Variants in RORA observed in about 807,000 individuals in gnomAD.
RORA encodes RAR related orphan receptor A, also known as nuclear receptor ROR-alpha.
Under a neutral mutation model 69.5 loss-of-function variants are expected in RORA, and 7 were observed. That is an observed-to-expected ratio of 0.10 (90% CI 0.06 to 0.19). RORA has a LOEUF of 0.19. Among genes scored for constraint, RORA ranks in the 10% least tolerant of loss-of-function variants. The probability of loss-of-function intolerance (pLI) is 1.00; values close to 1 mark genes in which losing one functional copy is unlikely to be tolerated. For missense variants in RORA, 457 were observed against 663.0 expected (o/e 0.69, Z 3.41); for synonymous variants, 261 against 240.8 (o/e 1.08, Z -0.78).
chr15:60,561,193 T>A (rs1350694652), intron 2 of RORA, among the ~76,000 whole-genome samples: 1 of 150,956 alleles, frequency 6.6e-6, no homozygotes, highest in Non-Finnish European at 1.5e-5. Context: ...GCCATTCTCC[T>A]GCCTCAGCCT....
At chr15:60,914,695 G>T (rs952944005) in intron 1 of RORA, among the ~76,000 whole-genome samples, 2 of 152,158 alleles carry the variant, frequency 1.3e-5, no homozygotes, top group Non-Finnish European at 2.9e-5. Context: ...CACTTGACTG[G>T]GAAGTAATCT....
chr15:61,149,252 G>A lies in RORA; in HGVS notation c.166+79801C>T, dbSNP rs184745727. Among the ~76,000 whole-genome samples the A allele has an allele frequency of 7.9e-5, 12 of 152,226 alleles. No homozygotes were observed. In the East Asian group the frequency reaches 1.4e-3, roughly 17 times the overall value. ...TACTGAAGGTCTGCAGAGCCATGGC[G>A]GGGGAGTTCCCATCAGAGAGTCTCT... On this transcript the variant is annotated intron_variant, in intron 1 of 10. Transcript: ENST00000335670.
chr15:60,614,522 G>A (rs2069178186), intron 2 of RORA, among the ~76,000 whole-genome samples: 1 of 152,162 alleles, frequency 6.6e-6, no homozygotes, highest in African/African-American at 2.4e-5. Flanking sequence ...AGGGCGCATT[G>A]ATGAGAAAGT....
Position 61,217,793 on chromosome 15 carries a change from C to A in RORA, c.166+11260G>T, listed in dbSNP as rs553801188. 2.6e-5 allele frequency among the ~76,000 whole-genome samples: 4 copies of A among 152,264 alleles called. No individual in the cohort carries two copies. In the East Asian group the frequency reaches 5.8e-4, roughly 22 times the overall value. On this transcript the variant is annotated intron_variant, in intron 1 of 10. Coordinates refer to ENST00000335670, the MANE Select transcript of RORA (RefSeq NM_134261.3). The stretch of plus-strand genomic sequence containing the variant: ...GGATCCCAGAATTTATATTCTAAGC[C>A]AGTCTAGGCAGATGTGCCTCTAAAT...
chr15:61,031,465 C>T (rs1377455666), intron 1 of RORA, among the ~76,000 whole-genome samples: 2 of 152,150 alleles, frequency 1.3e-5, no homozygotes, highest in African/African-American at 4.8e-5. Flanking sequence ...CTTAGCTCAG[C>T]AAGCAACTAA....
At chr15:60,639,219 A>ATTTT (rs71122868) in intron 2 of RORA, among the ~76,000 whole-genome samples, 15 of 131,336 alleles carry the variant, frequency 1.1e-4, no homozygotes, top group South Asian at 5.0e-4. Flanking sequence ...AGGTTTTTGT[A>ATTTT]TTTTTTTTTT....
intron 1 of RORA, among the ~76,000 whole-genome samples, chr15:60,852,273 T>C (rs2073334988): frequency 1.3e-5 from 2 of 152,172 alleles, no homozygotes; most frequent in Non-Finnish European, 2.9e-5. Context: ...TTATAGGAGC[T>C]AACATCATAC....
intron 1 of RORA, among the ~76,000 whole-genome samples, chr15:60,713,637 T>A (rs1317816795): frequency 6.6e-6 from 1 of 152,134 alleles, no homozygotes; most frequent in Non-Finnish European, 1.5e-5. Context: ...AGGGAGGTGA[T>A]GTAATATCCT....
chr15:61,024,079 T>C (rs1895676869), intron 1 of RORA, among the ~76,000 whole-genome samples: 1 of 152,128 alleles, frequency 6.6e-6, no homozygotes, highest in Non-Finnish European at 1.5e-5. Flanking sequence ...GGCATACTTC[T>C]GTTTATTTAA....
intron 2 of RORA, among the ~76,000 whole-genome samples, chr15:60,672,419 G>A (rs796299186): frequency 5.9e-5 from 9 of 152,234 alleles, no homozygotes; most frequent in African/African-American, 2.2e-4. Context: ...CCTGGACCTC[G>A]GTTTTCATCT....
In RORA at chr15:60,742,406, A is replaced by G. The variant is rs187751505; in HGVS notation, c.167-63720T>C. On this transcript the variant is annotated intron_variant, in intron 1 of 10. Coordinates refer to ENST00000335670, the MANE Select transcript of RORA (RefSeq NM_134261.3). The stretch of plus-strand genomic sequence containing the variant: ...ATGGTATGTGTCTATGGTGTACAAC[A>G]TATTTTGATATATGTATACACAGTC... 4.3e-4 allele frequency among the ~76,000 whole-genome samples: 65 copies of G among 152,328 alleles called. No individual in the cohort carries two copies. The East Asian group carries it at 9.3e-3, about 22-fold the overall frequency.
chr15:60,991,054 T>A (rs1294130420), intron 1 of RORA, among the ~76,000 whole-genome samples: 1 of 152,180 alleles, frequency 6.6e-6, no homozygotes, highest in Non-Finnish European at 1.5e-5. Flanking sequence ...ATTTATTCAA[T>A]AATCACTGGA....
chr15:61,083,810 T>C (rs2078581111), intron 1 of RORA, among the ~76,000 whole-genome samples: 1 of 151,974 alleles, frequency 6.6e-6, no homozygotes, highest in Non-Finnish European at 1.5e-5. Flanking sequence ...ATACGTAGGC[T>C]TCTCTTGTTT....
chr15:61,140,968 GT>G (rs896064801), intron 1 of RORA, among the ~76,000 whole-genome samples: 1 of 152,010 alleles, frequency 6.6e-6, no homozygotes, highest in Non-Finnish European at 1.5e-5. Flanking sequence ...AAGAAAAGCT[GT>G]TTTTTCACAC....
intron 3 of RORA, among the ~76,000 whole-genome samples, chr15:60,521,952 C>A (rs555840921): frequency 8.5e-5 from 13 of 152,208 alleles, no homozygotes; most frequent in African/African-American, 3.1e-4. Context: ...AAATTCTATT[C>A]CCTAATACTT....
At chr15:60,928,278 G>A (rs2140497051) in intron 1 of RORA, among the ~76,000 whole-genome samples, 1 of 152,314 alleles carries the variant, frequency 6.6e-6, no homozygotes, top group Middle Eastern at 3.4e-3. Context: ...ACAACAGCTG[G>A]AAATACTTCA....
chr15:61,009,088 G>A (rs536633424), intron 1 of RORA, among the ~76,000 whole-genome samples: 3 of 152,262 alleles, frequency 2.0e-5, no homozygotes, highest in African/African-American at 7.2e-5. Flanking sequence ...AAATACAAAT[G>A]CGAATCTGAA....
intron 1 of RORA, among the ~76,000 whole-genome samples, chr15:61,211,453 A>T (rs1352940150): frequency 6.6e-6 from 1 of 152,200 alleles, no homozygotes; most frequent in African/African-American, 2.4e-5. Flanking sequence ...CCACTGTCAG[A>T]TCAAACACAC....
chr15:60,821,735 T>C (rs1222518126), intron 1 of RORA, among the ~76,000 whole-genome samples: 1 of 152,228 alleles, frequency 6.6e-6, no homozygotes, highest in African/African-American at 2.4e-5. Context: ...GGCATTGCAC[T>C]AGGTGCAAGA....
Sources: allele counts gnomAD v4.1 joint callset (sites outside exome capture counted in the v4.1 genomes callset), GRCh38; gene constraint gnomAD v4.1.1; transcripts MANE v1.5; gene names NCBI Gene and HGNC (gene_info 2026-07-23, HGNC 2026-07-21).